The following LRCH3 variants were observed in gnomAD, a reference collection of about 807,000 sequenced individuals.
LRCH3 encodes leucine rich repeats and calponin homology domain containing 3.
In LRCH3, 68 loss-of-function variants were observed where a neutral mutation model predicts 104.5. The ratio of observed to expected loss-of-function variants is 0.65; its 90% CI spans 0.54 to 0.80. The LOEUF (loss-of-function observed/expected upper bound fraction) is 0.80. LRCH3 is among the 30% of genes least tolerant of loss of function. The pLI is 0.00. For missense variants in LRCH3, 951 were observed against 953.9 expected, an observed-to-expected ratio of 1.00 and a Z score of 0.04; for synonymous variants, 344 against 361.3, an observed-to-expected ratio of 0.95 and a Z score of 0.54.
intron 20 of LRCH3, among the ~76,000 whole-genome samples, chr3:197,878,968 A>T (rs964133106): frequency 6.6e-6 from 1 of 152,260 alleles, no homozygotes; most frequent in Middle Eastern, 3.2e-3. Context: ...AGATAAAGAC[A>T]AATAATTTCC....
intron 2 of LRCH3, among the ~76,000 whole-genome samples, chr3:197,816,902 G>T (rs905178964): frequency 6.6e-6 from 1 of 152,044 alleles, no homozygotes; most frequent in Non-Finnish European, 1.5e-5. Flanking sequence ...TTACAAAGGA[G>T]TTATATTCTG....
Position 197,815,053 on chromosome 3 carries a change from G to A in LRCH3, c.407+1G>A. 6.9e-7 allele frequency: 1 copy of A among 1,446,152 alleles called. No individual in the cohort carries two copies. Among genetic ancestry groups the A allele is most frequent in the Non-Finnish European group, 9.4e-7 (1 of 1,066,712 alleles). The allele number at this position is 1,446,152 out of a possible 1,614,324, so 89.6% of individuals were successfully genotyped here. On this transcript the variant is annotated splice_donor_variant, in intron 2 of 20. Transcript: ENST00000425562. LOFTEE classifies it high-confidence loss of function. ...AAGCTCTAACATTCTTAAATATTAGGTAAGAATATTGTTTTCTTATTTTAA... is the reference window on the plus strand; with the variant it reads ...AAGCTCTAACATTCTTAAATATTAGATAAGAATATTGTTTTCTTATTTTAA...
chr3:197,806,615 A>G (rs1732510384), intron 1 of LRCH3, among the ~76,000 whole-genome samples: 1 of 151,512 alleles, frequency 6.6e-6, no homozygotes, highest in South Asian at 2.1e-4. Context: ...ATGGTGGCTC[A>G]CTCCTGTAAT....
intron 8 of LRCH3, among the ~76,000 whole-genome samples, chr3:197,832,554 C>CT (rs1334687501): frequency 1.3e-5 from 2 of 152,080 alleles, no homozygotes; most frequent in Non-Finnish European, 2.9e-5. Flanking sequence ...TGGGAGGAAA[C>CT]TTTATTAGAG....
In LRCH3 at chr3:197,832,201, C is replaced by G; in HGVS notation, c.986C>G (p.Thr329Arg). Reference sequence around the variant, plus strand: ...TGTTTCTGCTTCTTTTTTAAGCCTACAGATGAATTTTCAGATCTGCCTCTT... The same window carrying G: ...TGTTTCTGCTTCTTTTTTAAGCCTAGAGATGAATTTTCAGATCTGCCTCTT... ...GDKRWSGNEP[T>R]DEFSDLPLRV... The change falls in exon 8 of 21, where the codon ACA (threonine) becomes AGA (arginine). Residue 329 changes from threonine to arginine, a missense_variant. Coordinates refer to ENST00000425562, the MANE Select transcript of LRCH3 (RefSeq NM_001365715.1). The G allele has an allele frequency of 1.2e-6, 2 of 1,611,648 alleles. No individual in the cohort carries two copies. The highest frequency in any genetic ancestry group is 1.7e-6 in the Non-Finnish European group (2 of 1,178,336).
intron 4 of LRCH3, 55 bp downstream of exon 4, chr3:197,820,485 T>G: frequency 8.2e-7 from 1 of 1,223,866 alleles, no homozygotes; most frequent in South Asian, 1.3e-5. Flanking sequence ...ATTTTAAAGC[T>G]CTCTCAGACC....
intron 7 of LRCH3, among the ~76,000 whole-genome samples, chr3:197,831,954 G>A (rs989849387): frequency 2.1e-4 from 31 of 150,944 alleles, no homozygotes; most frequent in African/African-American, 5.8e-4. Context: ...TCGCTTTGTC[G>A]CACAGGCTGG....
chr3:197,872,556 TAAAAG>T (rs903386271), intron 19 of LRCH3, among the ~76,000 whole-genome samples: 3 of 151,894 alleles, frequency 2.0e-5, no homozygotes, highest in Non-Finnish European at 2.9e-5. Context: ...TCTTGTTTCT[TAAAAG>T]AAAAAGGAAA....
At chr3:197,799,005 G>A (rs1026344673) in intron 1 of LRCH3, among the ~76,000 whole-genome samples, 2 of 152,166 alleles carry the variant, frequency 1.3e-5, no homozygotes, top group South Asian at 2.1e-4. Flanking sequence ...TAGACAGTAC[G>A]TTAGACTCCC....
Position 197,881,907 on chromosome 3 carries a change from T to C in LRCH3, c.2209-1634T>C, listed in dbSNP as rs188832678. ...TTTCTTCCATATGAAATGGGACAGC[T>C]ATTTTCACAGGTCAAAAGACTGTTC... On this transcript the variant is annotated intron_variant, in intron 20 of 20. Transcript: ENST00000425562. 7.7e-5 allele frequency: 76 copies of C among 985,482 alleles called. 1 individual carries two copies. In the African/African-American group the frequency reaches 1.1e-3, roughly 14 times the overall value. 61.0% of individuals were successfully genotyped at this position (985,482 alleles called of 1,614,324 possible).
Position 197,866,152 on chromosome 3 carries a change from G to A in LRCH3, c.1806G>A (p.Gln602=). The change falls in exon 17 of 21, where the codon CAG becomes CAA. Residue 602 remains glutamine, a synonymous_variant. Transcript: ENST00000425562. ...CATATTCTTTTCCTGCTGCTATCCA[G>A]AGAAATCAGCCTCAGCGCCCTGAAA... is the stretch of plus-strand genomic sequence containing the variant. ...SPAYSFPAAI[Q]RNQPQRPESF... is the part of the protein sequence containing the mutation. 1 of 1,613,998 alleles carries A rather than the reference G, an allele frequency of 6.2e-7. No individual in the cohort carries two copies. The highest frequency in any genetic ancestry group is 8.5e-7 in the Non-Finnish European group (1 of 1,179,964).
chr3:197,879,456 C>A (rs1356367144), intron 20 of LRCH3, among the ~76,000 whole-genome samples: 1 of 151,148 alleles, frequency 6.6e-6, no homozygotes, highest in East Asian at 1.9e-4. Context: ...ACCATCCTGG[C>A]TAACATGGTG....
At chr3:197,857,240 A>G (rs1254322124) in intron 14 of LRCH3, among the ~76,000 whole-genome samples, 1 of 145,620 alleles carries the variant, frequency 6.9e-6, no homozygotes, top group African/African-American at 2.6e-5. Flanking sequence ...CCCTGTTAAT[A>G]TCAGTTACAC....
intron 18 of LRCH3, among the ~76,000 whole-genome samples, chr3:197,870,480 C>G (rs979401862): frequency 1.3e-5 from 2 of 152,174 alleles, no homozygotes; most frequent in African/African-American, 4.8e-5. Flanking sequence ...ATTCTTCTGC[C>G]TCAGCCTCCT....
chr3:197,875,647 G>C, intron 19 of LRCH3, 51 bp from the exon 20 acceptor site: 2 of 1,406,706 alleles, frequency 1.4e-6, no homozygotes, highest in South Asian at 2.5e-5. Flanking sequence ...GTGAGACCCT[G>C]TCCCAGAAAC....
chr3:197,825,364 T>TG (rs1391134892), intron 4 of LRCH3, among the ~76,000 whole-genome samples: 1 of 150,760 alleles, frequency 6.6e-6, no homozygotes, highest in Non-Finnish European at 1.5e-5. Flanking sequence ...TTATATCTTT[T>TG]TTTTTTTTTT....
Position 197,859,135 on chromosome 3 carries a change from G to A in LRCH3, c.1716+230G>A, listed in dbSNP as rs1740601657. 8.0e-6 allele frequency: 4 copies of A among 498,556 alleles called. No homozygotes were observed. In the South Asian group the frequency reaches 1.0e-4, roughly 13 times the overall value. 30.9% of individuals were successfully genotyped at this position (498,556 alleles called of 1,614,324 possible). ...ATTCTTCGTATTCAGATTGTTTGAT[G>A]TGTCATTCTGATTTTTTTATCAAAG... On this transcript the variant is annotated intron_variant, in intron 15 of 20. Transcript: ENST00000425562.
At chr3:197,881,191 C>A in intron 20 of LRCH3, 1 of 1,006,714 alleles carries the variant, frequency 9.9e-7, no homozygotes. Context: ...GTTTTGGCCG[C>A]ACCCGGTTAC....
chr3:197,882,536 C>G, intron 20 of LRCH3: 1 of 867,420 alleles, frequency 1.2e-6, no homozygotes, highest in Non-Finnish European at 1.4e-6. Context: ...AAACAAAAAA[C>G]AAAAAAACCC....
Sources: allele counts gnomAD v4.1 joint callset (sites outside exome capture counted in the v4.1 genomes callset), GRCh38; gene constraint gnomAD v4.1.1; transcripts MANE v1.5; gene names NCBI Gene and HGNC (gene_info 2026-07-23, HGNC 2026-07-21).